BRSK2: variants seen among roughly 807,000 people sequenced by gnomAD.
BRSK2 encodes BR serine/threonine kinase 2.
Under a neutral mutation model 83.3 loss-of-function variants are expected in BRSK2, and 19 were observed. The ratio of observed to expected loss-of-function variants is 0.23; its 90% CI spans 0.16 to 0.33. BRSK2 has a LOEUF of 0.33. BRSK2 is among the 10% of genes least tolerant of loss of function. The pLI is 1.00. For missense variants in BRSK2, 798 were observed against 1,042.3 expected, an observed-to-expected ratio of 0.77 and a Z score of 3.23; for synonymous variants, 519 against 435.4, an observed-to-expected ratio of 1.19 and a Z score of -2.39.
chr11:1,451,262 T>C (rs1274962521), intron 14 of BRSK2, 109 bp from the exon 15 acceptor site: 5 of 1,282,810 alleles, frequency 3.9e-6, no homozygotes, highest in Non-Finnish European at 5.6e-6. Context: ...GCTGTCCCAG[T>C]GTGTGTGGGT....
chr11:1,451,230 G>A (rs1845782494), intron 14 of BRSK2, 141 bp from the exon 15 acceptor site: 2 of 931,658 alleles, frequency 2.1e-6, no homozygotes, highest in African/African-American at 2.5e-5. Context: ...GGGAGCTGGG[G>A]TGGACCAGTG....
chr11:1,403,029 C>T (rs540915023), intron 1 of BRSK2, among the ~76,000 whole-genome samples: 95 of 152,236 alleles, frequency 6.2e-4, no homozygotes, highest in African/African-American at 1.7e-3. Context: ...GGTGGGAGGA[C>T]GGGCGGGACC....
chr11:1,429,340 G>C (rs1409243124), intron 1 of BRSK2, among the ~76,000 whole-genome samples: 1 of 151,738 alleles, frequency 6.6e-6, no homozygotes, highest in Non-Finnish European at 1.5e-5. Flanking sequence ...TGTGTGTCCT[G>C]GGTGCATGTG....
chr11:1,413,357 TCA>T (rs1270427743), intron 1 of BRSK2, among the ~76,000 whole-genome samples: 1 of 149,662 alleles, frequency 6.7e-6, no homozygotes, highest in Non-Finnish European at 1.5e-5. Context: ...ACGGGGAGAC[TCA>T]CAGAGGCAGT....
chr11:1,403,609 G>A (rs917629443), intron 1 of BRSK2, among the ~76,000 whole-genome samples: 5 of 152,206 alleles, frequency 3.3e-5, no homozygotes, highest in Admixed American at 6.5e-5. Flanking sequence ...CACCTCTGAC[G>A]GTGTGTCCTG....
At chr11:1,428,051 C>T (rs114175229) in intron 1 of BRSK2, among the ~76,000 whole-genome samples, 5 of 152,106 alleles carry the variant, frequency 3.3e-5, no homozygotes, top group African/African-American at 9.7e-5. Flanking sequence ...CTTCAGAGTA[C>T]AGTAATGGGG....
At chr11:1,440,748 C>A in intron 3 of BRSK2, 40 bp from the exon 4 acceptor site, 1 of 1,537,114 alleles carries the variant, frequency 6.5e-7, no homozygotes. Flanking sequence ...GGGCGGCGGG[C>A]AGCCACAGCT....
At chr11:1,436,249 G>T (rs1590515976) in intron 2 of BRSK2, 115 bp downstream of exon 2, 2 of 265,874 alleles carry the variant, frequency 7.5e-6, no homozygotes, top group Non-Finnish European at 1.3e-5. Flanking sequence ...TGGGGGGGCG[G>T]GCCCTGCAGG....
At chr11:1,440,990 C>T (rs1851152059) in intron 4 of BRSK2, 62 bp downstream of exon 4, 2 of 1,463,308 alleles carry the variant, frequency 1.4e-6, no homozygotes, top group Non-Finnish European at 1.9e-6. Context: ...TGCGCTACCA[C>T]AGATGCCCCC....
chr11:1,445,040 C>T, intron 9 of BRSK2, 38 bp downstream of exon 9: 2 of 1,604,898 alleles, frequency 1.2e-6, no homozygotes, highest in Middle Eastern at 1.7e-4. Flanking sequence ...CCTGCTTTGC[C>T]TGTTGCTGTG....
Position 1,454,724 on chromosome 11 carries a change from T to C in BRSK2, c.1668+116T>C. 1 of 1,357,694 alleles carries C rather than the reference T, an allele frequency of 7.4e-7. No individual in the cohort carries two copies. Among genetic ancestry groups the C allele is most frequent in the East Asian group, 2.5e-5 (1 of 40,738 alleles). 84.1% of individuals were successfully genotyped at this position (1,357,694 alleles called of 1,614,324 possible). A position where few individuals can be genotyped will look rare whatever the true frequency, so the allele number is the denominator to read the frequency against. On this transcript the variant is annotated intron_variant, in intron 16 of 19. Transcript: ENST00000528841. This position sits in a 1 kb window ranked among gnomAD's most constrained non-coding sequence, Gnocchi z 5.2. ...CATGTCCACGCGCACAGCACGGACG[T>C]CCGCTCACCCGTGGGCCTGCCTGGC... is the stretch of plus-strand genomic sequence containing the variant.
At chr11:1,450,520 G>T in intron 13 of BRSK2, 67 bp from the exon 14 acceptor site, 4 of 767,022 alleles carry the variant, frequency 5.2e-6, no homozygotes, top group Non-Finnish European at 6.4e-6. Context: ...CGCCTGCCCT[G>T]CGGGTGCCCC....
chr11:1,405,718 G>A (rs1846824001), intron 1 of BRSK2, among the ~76,000 whole-genome samples: 1 of 152,126 alleles, frequency 6.6e-6, no homozygotes, highest in South Asian at 2.1e-4. Flanking sequence ...GCTCAGGGCA[G>A]CCTAAAGATT....
Position 1,451,824 on chromosome 11 carries a change from C to T in BRSK2, c.1544+405C>T, listed in dbSNP as rs1345052737. On this transcript the variant is annotated intron_variant, in intron 15 of 19. Coordinates refer to ENST00000528841, the MANE Select transcript of BRSK2 (RefSeq NM_001256627.2). ...TGGGAACACGTGTGCAGGGGCGGAG[C>T]GGAGCAGCCAAGCCGAGGTCTGGCC... 3.3e-5 allele frequency among the ~76,000 whole-genome samples: 5 copies of T among 152,162 alleles called. 1 individual carries two copies. The highest frequency in any genetic ancestry group is 4.1e-4 in the South Asian group (2 of 4,822).
intron 1 of BRSK2, among the ~76,000 whole-genome samples, chr11:1,428,774 G>C (rs1849539606): frequency 6.6e-6 from 1 of 152,204 alleles, no homozygotes; most frequent in African/African-American, 2.4e-5. Flanking sequence ...GAGTGTGTGT[G>C]CACTGCGGGT....
At chr11:1,450,423 G>C (rs1295147742) in intron 13 of BRSK2, among the ~76,000 whole-genome samples, 164 bp from the exon 14 acceptor site, 2 of 152,026 alleles carry the variant, frequency 1.3e-5, no homozygotes, top group Non-Finnish European at 2.9e-5. Flanking sequence ...CCTCTGCAGG[G>C]CACCAAGTCC....
At chr11:1,445,718 G>A in intron 11 of BRSK2, 39 bp from the exon 12 acceptor site, 3 of 1,610,982 alleles carry the variant, frequency 1.9e-6, no homozygotes, top group South Asian at 2.2e-5. Flanking sequence ...CCCCACCGGG[G>A]TCCGGGGGCT....
intron 7 of BRSK2, 33 bp downstream of exon 7, chr11:1,443,436 C>T: frequency 6.3e-7 from 1 of 1,583,046 alleles, no homozygotes; most frequent in Non-Finnish European, 8.6e-7. Context: ...CCTGCCCTGG[C>T]CTCTCCCCAA....
At chr11:1,422,055 C>T (rs7114190) in intron 1 of BRSK2, among the ~76,000 whole-genome samples, 150,240 of 152,058 alleles carry the variant, frequency 0.99, 74,316 homozygotes, top group Middle Eastern at 1. Context: ...GGGTGGCGCC[C>T]GTGCCTGGGC....
Sources: gnomAD v4.1 joint callset for allele counts (sites outside exome capture counted in the v4.1 genomes callset) on GRCh38, gnomAD v4.1.1 for gene constraint, Gnocchi (gnomAD v3.1) non-coding constraint, MANE v1.5 for transcripts, NCBI Gene and HGNC (gene_info 2026-07-23, HGNC 2026-07-21) for gene names.